GNPAT: variants seen among roughly 807,000 people sequenced by gnomAD.
GNPAT encodes the protein dihydroxyacetone phosphate acyltransferase.
A neutral mutation model predicts 78.4 loss-of-function variants in GNPAT; 30 were observed. That is an observed-to-expected ratio of 0.38 (90% confidence interval 0.29 to 0.52). The LOEUF (loss-of-function observed/expected upper bound fraction) is 0.52. Ranked by LOEUF, GNPAT falls within the 20% of genes least tolerant of loss-of-function variation. GNPAT has a pLI of 0.84. For synonymous variants in GNPAT, 271 were observed against 281.1 expected (o/e 0.96, Z 0.36); for missense variants, 714 against 812.2 (o/e 0.88, Z 1.47).
intron 8 of GNPAT, among the ~76,000 whole-genome samples, chr1:231,267,456 C>A (rs184342646): frequency 5.3e-5 from 8 of 152,268 alleles, no homozygotes; most frequent in Non-Finnish European, 1.0e-4. Flanking sequence ...AATAATAGGA[C>A]CCTGGACCCC....
intron 2 of GNPAT, among the ~76,000 whole-genome samples, chr1:231,253,430 T>C (rs1684956518): frequency 6.6e-6 from 1 of 152,266 alleles, no homozygotes; most frequent in Non-Finnish European, 1.5e-5. Context: ...AAGCTTTAAA[T>C]TCGCCTCTAA....
intron 1 of GNPAT, among the ~76,000 whole-genome samples, 157 bp downstream of exon 1, chr1:231,241,613 C>G (rs1684608293): frequency 6.6e-6 from 1 of 152,240 alleles, no homozygotes. Flanking sequence ...TCCAGGACAA[C>G]AGTGTATCGC....
chr1:231,265,626 G>C, intron 5 of GNPAT, 86 bp from the exon 6 acceptor site: 1 of 935,418 alleles, frequency 1.1e-6, no homozygotes, highest in Non-Finnish European at 1.8e-6. Flanking sequence ...GCTTGGGAGG[G>C]AGCTTGGGAA....
At chr1:231,245,311 C>T (rs1036618730) in intron 1 of GNPAT, among the ~76,000 whole-genome samples, 2 of 152,130 alleles carry the variant, frequency 1.3e-5, no homozygotes, top group African/African-American at 4.8e-5. Flanking sequence ...GTGGCATAGT[C>T]ATAGCTCACT....
intron 4 of GNPAT, 43 bp downstream of exon 4, chr1:231,262,895 A>T (rs1408588765): frequency 2.0e-6 from 3 of 1,513,348 alleles, no homozygotes. Context: ...AAAATTAAAA[A>T]GTTCACTGGC....
intron 9 of GNPAT, 86 bp from the exon 10 acceptor site, chr1:231,270,672 G>A (rs904180620): frequency 3.6e-5 from 47 of 1,291,634 alleles, no homozygotes; most frequent in Middle Eastern, 3.7e-4. Flanking sequence ...CATCTGTCAC[G>A]TTACCATTAA....
chr1:231,245,389 G>A (rs924970835), intron 1 of GNPAT, among the ~76,000 whole-genome samples: 24 of 151,110 alleles, frequency 1.6e-4, no homozygotes, highest in African/African-American at 3.9e-4. Context: ...GACTGTAGGC[G>A]CATACCACCA....
At chr1:231,273,248 C>CCT (rs1685615847) in intron 11 of GNPAT, among the ~76,000 whole-genome samples, 2 of 122,716 alleles carry the variant, frequency 1.6e-5, no homozygotes, top group African/African-American at 6.4e-5. Flanking sequence ...GTGTTGGAAA[C>CCT]TTTTTTTTTT....
intron 1 of GNPAT, among the ~76,000 whole-genome samples, chr1:231,244,128 C>A (rs964999414): frequency 6.6e-6 from 1 of 152,196 alleles, no homozygotes; most frequent in East Asian, 1.9e-4. Context: ...AGGCTGGTGT[C>A]GAACTCCCGG....
chr1:231,265,667 A>T (rs775239940), intron 5 of GNPAT, 45 bp from the exon 6 acceptor site: 1 of 1,125,036 alleles, frequency 8.9e-7, no homozygotes, highest in Non-Finnish European at 1.4e-6. Context: ...TATCATTTTG[A>T]GAGTAGGCAA....
chr1:231,241,764 A>G (rs1684616093), intron 1 of GNPAT, among the ~76,000 whole-genome samples: 1 of 152,210 alleles, frequency 6.6e-6, no homozygotes, highest in African/African-American at 2.4e-5. Context: ...AGGAATGAGA[A>G]TTGGAGTCTC....
Position 231,254,315 on chromosome 1 carries a change from G to GTTTCCCTAGTGAACTGTTT in GNPAT, c.261+3175_261+3193dup, listed in dbSNP as rs1407867254. Among the ~76,000 whole-genome samples the GTTTCCCTAGTGAACTGTTT allele has an allele frequency of 2.4e-3, 370 of 152,240 alleles. 1 individual carries two copies. The highest frequency in any genetic ancestry group is 8.8e-3 in the African/African-American group (364 of 41,526). On this transcript the variant is annotated intron_variant, in intron 2 of 15. Transcript: ENST00000366647. ...GCCTTCCATATTCCCCAGTAATTCT[G>GTTTCCCTAGTGAACTGTTT]TTTCCCTAGTGAACTGTTTTTCATT...
At chr1:231,272,555 A>G (rs1685598312) in intron 11 of GNPAT, among the ~76,000 whole-genome samples, 164 bp downstream of exon 11, 1 of 152,238 alleles carries the variant, frequency 6.6e-6, no homozygotes, top group Non-Finnish European at 1.5e-5. Flanking sequence ...AGCAGACTCT[A>G]GTTTGATTCT....
intron 11 of GNPAT, among the ~76,000 whole-genome samples, chr1:231,272,625 C>T (rs1170293173): frequency 6.6e-6 from 1 of 152,212 alleles, no homozygotes; most frequent in African/African-American, 2.4e-5. Context: ...ATTCTTTGAA[C>T]TATCAGTGTG....
chr1:231,260,975 G>A (rs1469623480), intron 3 of GNPAT, among the ~76,000 whole-genome samples: 1 of 152,198 alleles, frequency 6.6e-6, no homozygotes, highest in Non-Finnish European at 1.5e-5. Flanking sequence ...CAGATATTCA[G>A]TAACGTTACA....
Position 231,266,395 on chromosome 1 carries a change from A to G in GNPAT, c.1043A>G (p.Asn348Ser), listed in dbSNP as rs201538200. 339 of 1,613,848 alleles carry G rather than the reference A, an allele frequency of 2.1e-4. No individual in the cohort carries two copies. The highest frequency in any genetic ancestry group is 3.7e-5 in the Non-Finnish European group (44 of 1,179,846). Residue 348 changes from asparagine (N) to serine (S), a missense_variant, in exon 8 of 16, where the codon AAC becomes AGC. By Grantham distance (46) the Asn-to-Ser change is conservative (BLOSUM62 1). Coordinates refer to ENST00000366647, the MANE Select transcript of GNPAT (RefSeq NM_014236.4). ...AAGRMSRSSY[N>S]LVPRYIPQKQ... ...GGGAGGATGAGTCGGAGCTCATATA[A>G]CTTGGTTCCAAGGTGTGACCTGTGT...
chr1:231,246,078 C>T (rs945493862), intron 1 of GNPAT, among the ~76,000 whole-genome samples: 2 of 152,092 alleles, frequency 1.3e-5, no homozygotes, highest in African/African-American at 2.4e-5. Context: ...GTACTATTAC[C>T]TGTGCTCTTG....
chr1:231,243,045 A>G (rs1159083355), intron 1 of GNPAT, among the ~76,000 whole-genome samples: 2 of 152,276 alleles, frequency 1.3e-5, no homozygotes, highest in Admixed American at 6.5e-5. Context: ...CGTAGAAGAT[A>G]CTGCTGATTG....
At chr1:231,247,240 T>C (rs1684775038) in intron 1 of GNPAT, among the ~76,000 whole-genome samples, 1 of 152,120 alleles carries the variant, frequency 6.6e-6, no homozygotes, top group South Asian at 2.1e-4. Context: ...CTGTGAATAC[T>C]GAGGAGCCAT....
Sources: allele counts gnomAD v4.1 joint callset (sites outside exome capture counted in the v4.1 genomes callset), GRCh38; gene constraint gnomAD v4.1.1; transcripts MANE v1.5; gene names NCBI Gene and HGNC (gene_info 2026-07-23, HGNC 2026-07-21).